The following SSUH2 variants were observed in gnomAD, a reference collection of about 807,000 sequenced individuals.
The protein encoded by SSUH2 is protein SSUH2 homolog.
SSUH2 carries 47 observed loss-of-function variants against 55.3 expected under a neutral mutation model. The ratio of observed to expected loss-of-function variants is 0.85; its 90% CI spans 0.67 to 1.08. SSUH2 has a LOEUF of 1.08. SSUH2 is among the 50% of genes least tolerant of loss of function. The pLI is 0.00. For missense variants in SSUH2, 535 were observed against 490.7 expected, an observed-to-expected ratio of 1.09 and a Z score of -0.85; for synonymous variants, 212 against 191.5, an observed-to-expected ratio of 1.11 and a Z score of -0.89.
intron 2 of SSUH2, among the ~76,000 whole-genome samples, chr3:8,679,417 C>CT (rs1705791332): frequency 7.1e-6 from 1 of 140,058 alleles, no homozygotes; most frequent in East Asian, 2.4e-4. Flanking sequence ...CCCTCTTCCC[C>CT]CCCTGGCTCT....
intron 2 of SSUH2, among the ~76,000 whole-genome samples, chr3:8,678,424 G>A (rs1705597010): frequency 6.6e-6 from 1 of 152,028 alleles, no homozygotes. Flanking sequence ...TGAACAGCCT[G>A]CGATGCTGGA....
intron 11 of SSUH2, among the ~76,000 whole-genome samples, chr3:8,620,742 G>A (rs977386238): frequency 7.9e-5 from 12 of 152,340 alleles, no homozygotes; most frequent in African/African-American, 2.9e-4. Flanking sequence ...GTGCTGGGGG[G>A]CAGTGGAGGA....
Position 8,635,330 on chromosome 3 carries a change from T to C in SSUH2, c.179A>G (p.Gln60Arg). 1 of 1,536,026 alleles carries C rather than the reference T, an allele frequency of 6.5e-7. No individual in the cohort carries two copies. The highest frequency in any genetic ancestry group is 1.2e-5 in the South Asian group (1 of 84,032). Reference sequence around the variant, plus strand: ...TTCCAGGAACGAGGGCCAGGACCTTTGCTCCTGGGGCCTCCCTGGGGCCTC... The same window carrying C: ...TTCCAGGAACGAGGGCCAGGACCTTCGCTCCTGGGGCCTCCCTGGGGCCTC... ...PLEAPGRPQE[Q>R]RSWPSFLEHR... Residue 60 changes from glutamine (Q) to arginine (R), a missense_variant, in exon 3 of 12, where the codon CAA (glutamine) becomes CGA (arginine). Gln to Arg is a conservative substitution (Grantham distance 43). Transcript: ENST00000544814.
chr3:8,626,544 C>A (rs1230466572), intron 8 of SSUH2, among the ~76,000 whole-genome samples: 1 of 141,980 alleles, frequency 7.0e-6, no homozygotes, highest in Non-Finnish European at 1.6e-5. Context: ...CCTGCCCCCC[C>A]CCCTCCCCCA....
At chr3:8,679,143 C>CA (rs1435933976) in intron 2 of SSUH2, among the ~76,000 whole-genome samples, 1 of 105,894 alleles carries the variant, frequency 9.4e-6, no homozygotes, top group African/African-American at 3.1e-5. Context: ...GGAGGCACCC[C>CA]CGCGAGGCGG....
At chr3:8,649,941 C>T (rs1005340172) in intron 7 of SSUH2, among the ~76,000 whole-genome samples, 2 of 152,210 alleles carry the variant, frequency 1.3e-5, no homozygotes, top group African/African-American at 4.8e-5. Context: ...TGCACCCTCC[C>T]TACCAATATG....
chr3:8,624,414 G>A (rs1490797285), intron 10 of SSUH2, among the ~76,000 whole-genome samples: 2 of 152,190 alleles, frequency 1.3e-5, no homozygotes, highest in African/African-American at 4.8e-5. Context: ...TGAGCCCAGG[G>A]GGAAATCCCT....
In SSUH2 at chr3:8,626,286, C is replaced by T; in HGVS notation, c.710G>A (p.Cys237Tyr). The part of the protein sequence containing the change: ...STCSGRGNKT[C>Y]ATCKGEKKLL... The stretch of plus-strand genomic sequence containing the variant: ...CTTCTTCTCCCCCTTGCAGGTGGCG[C>T]AGGTCTTGTTCCCTCTCCCTGAGCA... Residue 237 changes from cysteine to tyrosine, a missense_variant, in exon 9 of 12, where the codon TGC becomes TAC. Cys to Tyr is a radical substitution (Grantham distance 194, BLOSUM62 -2). Coordinates refer to ENST00000544814, the MANE Select transcript of SSUH2 (RefSeq NM_001256748.3). The T allele has an allele frequency of 6.2e-7, 1 of 1,614,138 alleles. No homozygotes were observed. The highest frequency in any genetic ancestry group is 8.5e-7 in the Non-Finnish European group (1 of 1,180,012).
At chr3:8,630,783 G>A (rs370681973) in intron 6 of SSUH2, 22 bp downstream of exon 6, 2 of 1,359,090 alleles carry the variant, frequency 1.5e-6, no homozygotes, top group African/African-American at 3.0e-5. Context: ...AAGTATTCCA[G>A]TAATCGCGTT....
At chr3:8,681,709 G>A (rs1422520484) in intron 1 of SSUH2, among the ~76,000 whole-genome samples, 1 of 150,764 alleles carries the variant, frequency 6.6e-6, no homozygotes, top group African/African-American at 2.4e-5. Flanking sequence ...CCCCATCGCA[G>A]CGGGGGGAGG....
intron 1 of SSUH2, among the ~76,000 whole-genome samples, chr3:8,681,344 G>C (rs1247355273): frequency 6.7e-6 from 1 of 149,762 alleles, no homozygotes; most frequent in Non-Finnish European, 1.5e-5. Flanking sequence ...CCCGCGGCTC[G>C]GGGACTGAGA....
chr3:8,628,591 G>A (rs575198936), intron 7 of SSUH2, among the ~76,000 whole-genome samples: 149 of 152,314 alleles, frequency 9.8e-4, no homozygotes, highest in African/African-American at 3.4e-3. Flanking sequence ...GCCTAAATCC[G>A]ATGACGTGTT....
Position 8,625,616 on chromosome 3 carries a change from G to T in SSUH2, c.799C>A (p.His267Asn), listed in dbSNP as rs1697375832. 3.1e-6 allele frequency: 5 copies of T among 1,613,798 alleles called. No homozygotes were observed. Among genetic ancestry groups the T allele is most frequent in the South Asian group, 2.2e-5 (2 of 91,058 alleles). Residue 267 changes from histidine to asparagine, a missense_variant, in exon 10 of 12, where the codon CAC (histidine) becomes AAC (asparagine). Transcript: ENST00000544814. ...AGCTCCCTGGGGCAGTTGAGCCGGTGCTCAGACACAAACTCAAACAAGCTG... is the reference window on the plus strand; with the variant it reads ...AGCTCCCTGGGGCAGTTGAGCCGGTTCTCAGACACAAACTCAAACAAGCTG... ...KNSLFEFVSE[H>N]RLNCPRELLA...
chr3:8,678,488 A>AG (rs1398616367), intron 2 of SSUH2, among the ~76,000 whole-genome samples: 1 of 118,524 alleles, frequency 8.4e-6, no homozygotes, highest in South Asian at 3.1e-4. Context: ...CCCCATTGCA[A>AG]GGGGGTGAGG....
chr3:8,671,694 A>G (rs1450463771), intron 4 of SSUH2, among the ~76,000 whole-genome samples: 1 of 152,148 alleles, frequency 6.6e-6, no homozygotes, highest in Non-Finnish European at 1.5e-5. Context: ...TACCCCGGTG[A>G]CTTTAGTAGC....
At chr3:8,680,376 G>C (rs1268696882) in intron 1 of SSUH2, among the ~76,000 whole-genome samples, 1 of 152,120 alleles carries the variant, frequency 6.6e-6, no homozygotes, top group Non-Finnish European at 1.5e-5. Flanking sequence ...CATATTGTGA[G>C]TCATATCCTC....
At chr3:8,641,940 G>A (rs1406145896) in intron 1 of SSUH2, among the ~76,000 whole-genome samples, 1 of 152,142 alleles carries the variant, frequency 6.6e-6, no homozygotes, top group East Asian at 1.9e-4. Context: ...CTCAGCACTG[G>A]GTCAGGGGTG....
intron 2 of SSUH2, among the ~76,000 whole-genome samples, chr3:8,678,660 C>T (rs1705645241): frequency 1.8e-5 from 1 of 54,838 alleles, no homozygotes; most frequent in African/African-American, 6.3e-5. Context: ...GGGGAGGCAC[C>T]CCCCGCGAGG....
At chr3:8,624,621 G>A (rs1697147620) in intron 10 of SSUH2, among the ~76,000 whole-genome samples, 1 of 152,230 alleles carries the variant, frequency 6.6e-6, no homozygotes, top group Non-Finnish European at 1.5e-5. Context: ...TTTCTGCTAA[G>A]AACCAAATAG....
Sources: allele counts gnomAD v4.1 joint callset (sites outside exome capture counted in the v4.1 genomes callset), GRCh38; gene constraint gnomAD v4.1.1; transcripts MANE v1.5; gene names NCBI Gene and HGNC (gene_info 2026-07-23, HGNC 2026-07-21).